Variants in HHAT observed in about 807,000 individuals in gnomAD.
HHAT encodes the protein hedgehog acyltransferase.
A neutral mutation model predicts 70.8 loss-of-function variants in HHAT; 47 were observed. The ratio of observed to expected loss-of-function variants is 0.66; its 90% confidence interval spans 0.53 to 0.85. The LOEUF is 0.85. Ranked by LOEUF, HHAT falls within the 40% of genes least tolerant of loss-of-function variation. HHAT has a pLI of 0.00. For missense variants in HHAT, 609 were observed against 604.8 expected (o/e 1.01, Z -0.07); for synonymous variants, 228 against 247.6 (o/e 0.92, Z 0.74).
At chr1:210,350,473 A>G (rs1312748689) in intron 2 of HHAT, among the ~76,000 whole-genome samples, 3 of 152,132 alleles carry the variant, frequency 2.0e-5, no homozygotes, top group Non-Finnish European at 4.4e-5. Flanking sequence ...TGTTTTCCTG[A>G]TATAGATCTT....
chr1:210,564,290 G>A (rs2095650051), intron 9 of HHAT, among the ~76,000 whole-genome samples: 1 of 152,066 alleles, frequency 6.6e-6, no homozygotes, highest in Non-Finnish European at 1.5e-5. Flanking sequence ...TGCTGATGTG[G>A]TCTCCTAGTG....
At chr1:210,332,240 C>T (rs929011288) in intron 1 of HHAT, among the ~76,000 whole-genome samples, 5 of 152,202 alleles carry the variant, frequency 3.3e-5, no homozygotes, top group Admixed American at 2.0e-4. Context: ...CCCAAAAGGA[C>T]CAATTCGGTT....
intron 3 of HHAT, among the ~76,000 whole-genome samples, chr1:210,381,789 A>G (rs1371488807): frequency 6.6e-6 from 1 of 152,164 alleles, no homozygotes; most frequent in Non-Finnish European, 1.5e-5. Flanking sequence ...AAGACTCCAA[A>G]AACAGTGGGA....
intron 10 of HHAT, among the ~76,000 whole-genome samples, chr1:210,618,320 G>A (rs930238675): frequency 6.6e-6 from 1 of 152,044 alleles, no homozygotes; most frequent in African/African-American, 2.4e-5. Flanking sequence ...AGTCTGTGGG[G>A]TGTTCACCCC....
At chr1:210,550,154 A>G (rs550782786) in intron 9 of HHAT, among the ~76,000 whole-genome samples, 2 of 149,368 alleles carry the variant, frequency 1.3e-5, no homozygotes, top group South Asian at 4.3e-4. Context: ...CCTCTTCCCT[A>G]AAGCTGTTTG....
intron 7 of HHAT, among the ~76,000 whole-genome samples, chr1:210,447,801 A>G (rs896758485): frequency 1.3e-5 from 2 of 152,154 alleles, no homozygotes; most frequent in African/African-American, 4.8e-5. Flanking sequence ...AGAAGATACG[A>G]GGCCCCACAT....
intron 3 of HHAT, among the ~76,000 whole-genome samples, chr1:210,386,324 C>T (rs1441521662): frequency 1.1e-4 from 16 of 142,414 alleles, no homozygotes; most frequent in Non-Finnish European, 2.1e-4. Context: ...CTGCAAGCTC[C>T]GCCTCCCGGG....
At chr1:210,621,965 C>G (rs1021768403) in intron 10 of HHAT, among the ~76,000 whole-genome samples, 12 of 152,078 alleles carry the variant, frequency 7.9e-5, no homozygotes, top group African/African-American at 2.7e-4. Flanking sequence ...AGGGTAGCAG[C>G]CAGATCTGAG....
intron 8 of HHAT, among the ~76,000 whole-genome samples, chr1:210,486,674 G>T (rs1430861754): frequency 6.6e-6 from 1 of 152,142 alleles, no homozygotes; most frequent in East Asian, 1.9e-4. Context: ...CCCCAGTATT[G>T]ACAGTTCATG....
At chr1:210,659,468 CCAGA>C (rs1677170875) in intron 11 of HHAT, among the ~76,000 whole-genome samples, 1 of 152,126 alleles carries the variant, frequency 6.6e-6, no homozygotes, top group Admixed American at 6.5e-5. Context: ...AAGTCCAGGA[CCAGA>C]CAGATTCACC....
At chr1:210,372,705 C>T (rs991469074) in intron 3 of HHAT, among the ~76,000 whole-genome samples, 7 of 152,050 alleles carry the variant, frequency 4.6e-5, no homozygotes, top group African/African-American at 1.4e-4. Flanking sequence ...GAGGATAGAG[C>T]CTTATTAAAG....
At chr1:210,463,303 C>A (rs1210127925) in intron 7 of HHAT, among the ~76,000 whole-genome samples, 1 of 152,114 alleles carries the variant, frequency 6.6e-6, no homozygotes, top group African/African-American at 2.4e-5. Context: ...AAAAGAAACC[C>A]CACCTTTTAT....
At chr1:210,431,243 C>A (rs1388355675) in intron 7 of HHAT, among the ~76,000 whole-genome samples, 1 of 151,722 alleles carries the variant, frequency 6.6e-6, no homozygotes, top group Non-Finnish European at 1.5e-5. Flanking sequence ...CTTTGGAAAT[C>A]TGGATTTATG....
At chr1:210,540,633 T>C (rs1350002635) in intron 9 of HHAT, among the ~76,000 whole-genome samples, 4 of 115,430 alleles carry the variant, frequency 3.5e-5, no homozygotes, top group South Asian at 2.7e-4. Flanking sequence ...TGAGTAGTTA[T>C]TGATTTTTTT....
At chr1:210,575,152 C>T (rs1417904678) in intron 9 of HHAT, among the ~76,000 whole-genome samples, 2 of 152,162 alleles carry the variant, frequency 1.3e-5, no homozygotes, top group African/African-American at 4.8e-5. Context: ...TCTTCTCCTC[C>T]TGACTCTGTG....
At chr1:210,414,864 A>G (rs2092673209) in intron 6 of HHAT, among the ~76,000 whole-genome samples, 2 of 152,042 alleles carry the variant, frequency 1.3e-5, no homozygotes, top group South Asian at 4.2e-4. Context: ...CTACAAATAC[A>G]AAAAATAGCC....
At chr1:210,556,988 G>C (rs2095578656) in intron 9 of HHAT, among the ~76,000 whole-genome samples, 1 of 152,206 alleles carries the variant, frequency 6.6e-6, no homozygotes, top group South Asian at 2.1e-4. Flanking sequence ...ATGGGACCCA[G>C]ATGTGAGGCT....
chr1:210,354,330 G>T (rs1444445111), intron 2 of HHAT, among the ~76,000 whole-genome samples: 1 of 149,462 alleles, frequency 6.7e-6, no homozygotes, highest in African/African-American at 2.5e-5. Context: ...TCTGCTTCCT[G>T]AGTAGCTGGG....
chr1:210,525,080 C>T (rs1217408105), intron 9 of HHAT, among the ~76,000 whole-genome samples: 1 of 152,056 alleles, frequency 6.6e-6, no homozygotes, highest in African/African-American at 2.4e-5. Flanking sequence ...GTCTTCTGGC[C>T]ACTCAGCAAA....
Sources: allele counts gnomAD v4.1 joint callset (sites outside exome capture counted in the v4.1 genomes callset), GRCh38; gene constraint gnomAD v4.1.1; transcripts MANE v1.5; gene names NCBI Gene and HGNC (gene_info 2026-07-23, HGNC 2026-07-21).